RGS6: variants seen among roughly 807,000 people sequenced by gnomAD.
RGS6 encodes the protein regulator of G protein signaling 6.
In RGS6, 30 loss-of-function variants were observed where a neutral mutation model predicts 78.5. That is an observed-to-expected ratio of 0.38 (90% CI 0.29 to 0.52). The LOEUF is 0.52. RGS6 is among the 20% of genes least tolerant of loss of function. The pLI is 0.85. For synonymous variants in RGS6, 206 were observed against 206.0 expected, an observed-to-expected ratio of 1.00 and a Z score of 0.00; for missense variants, 495 against 609.7, an observed-to-expected ratio of 0.81 and a Z score of 1.98.
chr14:72,375,117 A>G (rs957798890), intron 3 of RGS6, among the ~76,000 whole-genome samples: 1 of 152,230 alleles, frequency 6.6e-6, no homozygotes, highest in African/African-American at 2.4e-5. Context: ...GACTTGAAGA[A>G]GAGAGTGATA....
At chr14:72,389,223 G>A (rs374202086) in intron 3 of RGS6, among the ~76,000 whole-genome samples, 2 of 152,012 alleles carry the variant, frequency 1.3e-5, no homozygotes, top group Admixed American at 6.6e-5. Flanking sequence ...TCCCTGTCCC[G>A]GATGTTCCAT....
intron 3 of RGS6, among the ~76,000 whole-genome samples, chr14:72,373,479 CGTT>C (rs1045861006): frequency 3.9e-5 from 6 of 152,224 alleles, no homozygotes; most frequent in Admixed American, 3.3e-4. Context: ...AAAGTAGACT[CGTT>C]TTAGATTAGT....
At chr14:72,281,239 C>T (rs932229303) in intron 2 of RGS6, among the ~76,000 whole-genome samples, 1 of 150,776 alleles carries the variant, frequency 6.6e-6, no homozygotes, top group Non-Finnish European at 1.5e-5. Context: ...GCCTCCGCCT[C>T]CCAGGTTCCA....
At chr14:72,302,574 T>A (rs1037284924) in intron 2 of RGS6, among the ~76,000 whole-genome samples, 8 of 152,188 alleles carry the variant, frequency 5.3e-5, no homozygotes, top group Admixed American at 2.6e-4. Context: ...CTCTGATGTT[T>A]TTGAAATTTC....
At chr14:72,368,063 T>C (rs1329212683) in intron 3 of RGS6, among the ~76,000 whole-genome samples, 2 of 152,202 alleles carry the variant, frequency 1.3e-5, no homozygotes, top group African/African-American at 4.8e-5. Context: ...CTTCTGCTGT[T>C]GTAACAGAAT....
intron 2 of RGS6, among the ~76,000 whole-genome samples, chr14:72,287,085 G>A (rs2062706896): frequency 6.6e-6 from 1 of 152,130 alleles, no homozygotes; most frequent in African/African-American, 2.4e-5. Context: ...CACCTGACCA[G>A]GATTGTTTTC....
chr14:72,474,812 A>G (rs550382164), intron 10 of RGS6, 113 bp downstream of exon 10: 5 of 857,574 alleles, frequency 5.8e-6, no homozygotes, highest in Admixed American at 5.5e-5. Flanking sequence ...GTCATTTGAA[A>G]CCATAACCAT....
chr14:72,119,998 C>T (rs749048588), intron 2 of RGS6, among the ~76,000 whole-genome samples: 4 of 152,212 alleles, frequency 2.6e-5, no homozygotes, highest in South Asian at 2.1e-4. Flanking sequence ...ACTGGAGCTG[C>T]GGAGGAAGTA....
chr14:72,117,200 G>C (rs2095915293), intron 2 of RGS6, among the ~76,000 whole-genome samples: 1 of 152,094 alleles, frequency 6.6e-6, no homozygotes, highest in Admixed American at 6.5e-5. Context: ...CTTGCAGCAT[G>C]GGTGATATGG....
intron 2 of RGS6, chr14:72,022,557 A>G (rs1409024604): frequency 3.9e-5 from 6 of 152,224 alleles, no homozygotes; most frequent in Admixed American, 3.9e-4. Flanking sequence ...AGAAGGAAAC[A>G]GACTTTCCTA....
At chr14:72,284,204 C>A (rs1030733255) in intron 2 of RGS6, among the ~76,000 whole-genome samples, 6 of 152,154 alleles carry the variant, frequency 3.9e-5, no homozygotes, top group Admixed American at 2.6e-4. Flanking sequence ...GTAGAAAAAC[C>A]CATTTTCTGA....
chr14:72,042,277 G>A (rs2092482610), intron 2 of RGS6, among the ~76,000 whole-genome samples: 1 of 151,776 alleles, frequency 6.6e-6, no homozygotes, highest in East Asian at 1.9e-4. Context: ...AGAGGTGCAT[G>A]CCACCATGCC....
In RGS6 at chr14:72,174,757, ACC is replaced by A. The variant is rs1421816588; in HGVS notation, c.85-177337_85-177336del. Among the ~76,000 whole-genome samples, 704 of 152,296 alleles carry A rather than the reference ACC, an allele frequency of 4.6e-3. 2 individuals are homozygous for A. Among genetic ancestry groups the A allele is most frequent in the African/African-American group, 0.016 (662 of 41,574 alleles). ...GGGATATGGCTTCGGGTGACAACCC[ACC>A]TATCAGAGCTATTCAACCATTGAAC... On this transcript the variant is annotated intron_variant, in intron 2 of 17. Coordinates refer to ENST00000553525, the MANE Select transcript of RGS6 (RefSeq NM_001204424.2).
At chr14:72,247,233 C>G (rs753905260) in intron 2 of RGS6, among the ~76,000 whole-genome samples, 107 of 152,074 alleles carry the variant, frequency 7.0e-4, no homozygotes, top group Non-Finnish European at 1.3e-3. Context: ...ACTTTTTTTC[C>G]CAAGATAGAA....
intron 9 of RGS6, 107 bp from the exon 10 acceptor site, chr14:72,474,518 G>T: frequency 3.0e-6 from 3 of 1,001,698 alleles, no homozygotes; most frequent in South Asian, 1.6e-5. Context: ...ATCATGCATT[G>T]TCTGTAATGG....
At chr14:71,939,966 G>T (rs77534777) in intron 1 of RGS6, among the ~76,000 whole-genome samples, 3 of 152,214 alleles carry the variant, frequency 2.0e-5, no homozygotes, top group Non-Finnish European at 4.4e-5. Flanking sequence ...GTCAGCCAAT[G>T]TGGGGGTTCT....
At chr14:71,914,520 TC>T in the RGS6 span, among the ~76,000 whole-genome samples, 2 of 152,204 alleles carry the variant, frequency 1.3e-5, no homozygotes, top group Non-Finnish European at 2.9e-5. Flanking sequence ...CTTTCTCATC[TC>T]CAGCTTGCCT....
chr14:72,169,753 T>C (rs1189146895), intron 2 of RGS6, among the ~76,000 whole-genome samples: 1 of 152,172 alleles, frequency 6.6e-6, no homozygotes, highest in Non-Finnish European at 1.5e-5. Context: ...GGAGGTGATA[T>C]ATTCTTGTCC....
At chr14:71,902,075 G>GACAA in the RGS6 span, among the ~76,000 whole-genome samples, 3 of 151,376 alleles carry the variant, frequency 2.0e-5, no homozygotes, top group East Asian at 6.2e-4. Context: ...ATTCTGAGGA[G>GACAA]AAAAAACCTG....
Sources: gnomAD v4.1 joint callset for allele counts (sites outside exome capture counted in the v4.1 genomes callset) on GRCh38, gnomAD v4.1.1 for gene constraint, MANE v1.5 for transcripts, NCBI Gene and HGNC (gene_info 2026-07-23, HGNC 2026-07-21) for gene names.